Variants in CNTNAP5 observed in about 807,000 individuals in gnomAD.
CNTNAP5 encodes contactin-associated protein-like 5.
In CNTNAP5, 72 loss-of-function variants were observed where a neutral mutation model predicts 150.2. The ratio of observed to expected loss-of-function variants is 0.48; its 90% confidence interval spans 0.40 to 0.58. The LOEUF is 0.58. CNTNAP5 is among the 20% of genes least tolerant of loss of function. The pLI, the probability that CNTNAP5 is intolerant of heterozygous loss-of-function variation, is 0.00. For synonymous variants in CNTNAP5, 672 were observed against 619.8 expected, an observed-to-expected ratio of 1.08 and a Z score of -1.25; for missense variants, 1,636 against 1,626.2, an observed-to-expected ratio of 1.01 and a Z score of -0.10.
chr2:124,638,924 A>G (rs923154020), intron 12 of CNTNAP5, among the ~76,000 whole-genome samples: 2 of 152,184 alleles, frequency 1.3e-5, no homozygotes, highest in African/African-American at 4.8e-5. Context: ...TCAGACACCT[A>G]TGGATGTGTA....
intron 1 of CNTNAP5, among the ~76,000 whole-genome samples, chr2:124,062,211 A>C (rs1682028171): frequency 2.0e-5 from 3 of 152,186 alleles, no homozygotes; most frequent in Admixed American, 2.0e-4. Context: ...CCTACATGCA[A>C]AACTCTTCAT....
intron 6 of CNTNAP5, among the ~76,000 whole-genome samples, chr2:124,454,950 G>T (rs1013164226): frequency 6.6e-6 from 1 of 151,940 alleles, no homozygotes; most frequent in Non-Finnish European, 1.5e-5. Context: ...GTCTCAAAGA[G>T]CACAAGCAGA....
At chr2:124,183,561 G>T (rs923877952) in intron 1 of CNTNAP5, among the ~76,000 whole-genome samples, 2 of 152,144 alleles carry the variant, frequency 1.3e-5, no homozygotes, top group Non-Finnish European at 2.9e-5. Flanking sequence ...GTCAGACCTG[G>T]CATTAATCAA....
rs1369297034 is a variant in CNTNAP5 at position 124,763,602 on chromosome 2, G to A, written c.2235-70G>A. ...CTGGCCAAATCACTTCTGAAAAGAG[G>A]GGTCATGGAAAAGAGTCCCTAGATT... On this transcript the variant is annotated intron_variant, in intron 14 of 23. Transcript: ENST00000682447. 11 of 1,469,960 alleles carry A rather than the reference G, an allele frequency of 7.5e-6. No individual in the cohort carries two copies. The South Asian group carries it at 1.4e-4, about 18-fold the overall frequency. The allele number at this position is 1,469,960 out of a possible 1,614,324, so 91.1% of individuals were successfully genotyped here.
intron 12 of CNTNAP5, among the ~76,000 whole-genome samples, chr2:124,615,425 C>G (rs1387962757): frequency 6.6e-6 from 1 of 152,096 alleles, no homozygotes; most frequent in Non-Finnish European, 1.5e-5. Flanking sequence ...CTCAAGAAGC[C>G]ACTTTATTTG....
At chr2:124,251,826 G>C (rs1656622862) in intron 3 of CNTNAP5, among the ~76,000 whole-genome samples, 1 of 152,154 alleles carries the variant, frequency 6.6e-6, no homozygotes, top group Non-Finnish European at 1.5e-5. Flanking sequence ...CTACCTGCCT[G>C]TATTTATGAA....
At chr2:124,253,349 C>A (rs1414365615) in intron 3 of CNTNAP5, among the ~76,000 whole-genome samples, 4 of 152,112 alleles carry the variant, frequency 2.6e-5, no homozygotes, top group East Asian at 3.9e-4. Flanking sequence ...ATATATGTGT[C>A]TATACATACA....
At chr2:124,801,563 AACCTCTG>A (rs1225535143) in intron 19 of CNTNAP5, among the ~76,000 whole-genome samples, 1 of 152,190 alleles carries the variant, frequency 6.6e-6, no homozygotes, top group Admixed American at 6.5e-5. Flanking sequence ...AAAAAATAAT[AACCTCTG>A]AGTTTCTTCC....
chr2:124,037,013 G>C (rs2104627274), intron 1 of CNTNAP5, among the ~76,000 whole-genome samples: 1 of 152,284 alleles, frequency 6.6e-6, no homozygotes, highest in African/African-American at 2.4e-5. Context: ...ATAATCCAGG[G>C]TGAGAAAACC....
At chr2:124,762,419 A>G (rs369617321) in intron 14 of CNTNAP5, among the ~76,000 whole-genome samples, 1 of 152,136 alleles carries the variant, frequency 6.6e-6, no homozygotes, top group African/African-American at 2.4e-5. Flanking sequence ...ATACAAAATC[A>G]TAGGTGGATG....
chr2:124,852,264 G>T (rs1047408124), intron 19 of CNTNAP5, among the ~76,000 whole-genome samples: 9 of 152,162 alleles, frequency 5.9e-5, no homozygotes, highest in African/African-American at 2.2e-4. Context: ...TTAGATGGAG[G>T]TGCTGAAGTG....
chr2:124,057,557 T>C (rs2104649751), intron 1 of CNTNAP5, among the ~76,000 whole-genome samples: 1 of 149,986 alleles, frequency 6.7e-6, no homozygotes. Flanking sequence ...CCCAAAGTGC[T>C]GGGATTACAG....
chr2:124,030,746 G>T (rs1681025823), intron 1 of CNTNAP5, among the ~76,000 whole-genome samples: 1 of 152,064 alleles, frequency 6.6e-6, no homozygotes, highest in South Asian at 2.1e-4. Context: ...AGCACTTGAT[G>T]CTTTATTTTT....
At position 124,742,349 on chromosome 2, in the gene CNTNAP5, G is replaced by GAAGACAGCTACAGGGCTTAAACTGT. The variant is rs532616972; in HGVS notation, c.2078-4879_2078-4855dup. Among the ~76,000 whole-genome samples, 626 of 152,280 alleles carry GAAGACAGCTACAGGGCTTAAACTGT rather than the reference G, an allele frequency of 4.1e-3. 4 individuals carry two copies. Among genetic ancestry groups the GAAGACAGCTACAGGGCTTAAACTGT allele is most frequent in the Non-Finnish European group, 5.8e-3 (397 of 68,012 alleles). ...CAGAAAGACACTGAACATTTGAAAA[G>GAAGACAGCTACAGGGCTTAAACTGT]AAGACAGCTACAGGGCTTAAACTGT... On this transcript the variant is annotated intron_variant, in intron 13 of 23. Transcript: ENST00000682447.
At chr2:124,406,414 T>C (rs1478008298) in intron 3 of CNTNAP5, among the ~76,000 whole-genome samples, 2 of 152,214 alleles carry the variant, frequency 1.3e-5, no homozygotes, top group African/African-American at 2.4e-5. Flanking sequence ...TTTCCATCCT[T>C]TTTGGTTTTG....
At chr2:124,659,223 A>G (rs961215790) in intron 13 of CNTNAP5, among the ~76,000 whole-genome samples, 2 of 152,204 alleles carry the variant, frequency 1.3e-5, no homozygotes, top group African/African-American at 4.8e-5. Context: ...CTTTCTGAAC[A>G]TAATTTTCAT....
Position 124,289,667 on chromosome 2 carries a change from G to A in CNTNAP5, c.381+47274G>A, listed in dbSNP as rs34870377. ...CAATGTATATTTTTTAAATGTTACT[G>A]TAATCCTGTGAAATAGATATATTGC... On this transcript the variant is annotated intron_variant, in intron 3 of 23. Coordinates refer to ENST00000682447, the MANE Select transcript of CNTNAP5 (RefSeq NM_001367498.1). Among the ~76,000 whole-genome samples the A allele has an allele frequency of 7.9e-3, 1,201 of 152,244 alleles. 8 individuals carry two copies. Among genetic ancestry groups the A allele is most frequent in the Admixed American group, 0.016 (242 of 15,296 alleles).
At chr2:124,166,477 A>C (rs1242964076) in intron 1 of CNTNAP5, among the ~76,000 whole-genome samples, 1 of 152,154 alleles carries the variant, frequency 6.6e-6, no homozygotes, top group African/African-American at 2.4e-5. Flanking sequence ...TTAAGTCTCT[A>C]ACTGTCAGAT....
At chr2:124,481,325 A>G (rs1387310506) in intron 7 of CNTNAP5, among the ~76,000 whole-genome samples, 7 of 152,244 alleles carry the variant, frequency 4.6e-5, no homozygotes, top group Admixed American at 4.6e-4. Context: ...CAGGAAGGGG[A>G]GGATAAAAAC....
Sources: allele counts gnomAD v4.1 joint callset (sites outside exome capture counted in the v4.1 genomes callset), GRCh38; gene constraint gnomAD v4.1.1; transcripts MANE v1.5; gene names NCBI Gene and HGNC (gene_info 2026-07-23, HGNC 2026-07-21).